MAGI3: variants seen among roughly 807,000 people sequenced by gnomAD.
The protein encoded by MAGI3 is membrane associated guanylate kinase, WW and PDZ domain containing 3, also known as membrane-associated guanylate kinase, WW and PDZ domain-containing protein 3.
MAGI3 carries 43 observed loss-of-function variants against 121.8 expected under a neutral mutation model. The observed-to-expected ratio is 0.35, with a 90% confidence interval of 0.28 to 0.46. The LOEUF is 0.46. Among genes scored for constraint, MAGI3 ranks in the 20% least tolerant of loss-of-function variants. MAGI3 has a pLI of 1.00. For missense variants in MAGI3, 1,547 were observed against 1,797.3 expected (o/e 0.86, Z 2.52); for synonymous variants, 553 against 639.3 (o/e 0.86, Z 2.04).
At chr1:113,652,671 G>GA (rs896361772) in intron 14 of MAGI3, among the ~76,000 whole-genome samples, 45 of 150,938 alleles carry the variant, frequency 3.0e-4, no homozygotes, top group African/African-American at 1.0e-3. Context: ...AAAAAAAAAA[G>GA]AAAAAAACAT....
Position 113,391,387 on chromosome 1 carries a change from G to T in MAGI3, c.316+38G>T. 6.4e-7 allele frequency: 1 copy of T among 1,558,788 alleles called. No homozygotes were observed. The highest frequency in any genetic ancestry group is 8.7e-7 in the Non-Finnish European group (1 of 1,152,326). On this transcript the variant is annotated intron_variant, in intron 1 of 20. Coordinates refer to ENST00000307546, the MANE Select transcript of MAGI3 (RefSeq NM_001142782.2). The surrounding 1 kb of genome is among the most constrained non-coding windows in gnomAD (Gnocchi z 4.4). ...TGCGTATCTGTCTCGGGGTGTTGGG[G>T]AGAGGGGCTTCAGGGTGGGCGTCCT...
chr1:113,560,752 A>G (rs991036938), intron 2 of MAGI3, among the ~76,000 whole-genome samples: 3 of 152,196 alleles, frequency 2.0e-5, no homozygotes, highest in Admixed American at 2.0e-4. Context: ...GAAGAAGACA[A>G]GAAATAACCA....
At position 113,622,801 on chromosome 1, in the gene MAGI3, C is replaced by T. The variant is rs761341165; in HGVS notation, c.1172-5C>T. The T allele has an allele frequency of 1.0e-5, 16 of 1,561,360 alleles. No homozygotes were observed. Among genetic ancestry groups the T allele is most frequent in the African/African-American group, 1.4e-5 (1 of 71,194 alleles). ...TTCTCAAACCCACTTCTCATTTTGG[C>T]ACAGATATGGAAAAATCACACTTCA... On this transcript the variant is annotated splice_polypyrimidine_tract_variant and splice_region_variant and intron_variant, in intron 8 of 20. Coordinates refer to ENST00000307546, the MANE Select transcript of MAGI3 (RefSeq NM_001142782.2).
chr1:113,464,125 C>T (rs1305200193), intron 1 of MAGI3, among the ~76,000 whole-genome samples: 1 of 151,928 alleles, frequency 6.6e-6, no homozygotes, highest in Non-Finnish European at 1.5e-5. Flanking sequence ...ATATTTGTAC[C>T]TATTAATCAA....
intron 1 of MAGI3, among the ~76,000 whole-genome samples, chr1:113,421,806 A>G (rs144473119): frequency 2.6e-5 from 4 of 151,902 alleles, no homozygotes; most frequent in African/African-American, 9.7e-5. Context: ...TTTGAGGTGT[A>G]TTTCTGGACT....
chr1:113,628,271 G>T (rs894572731), intron 9 of MAGI3, among the ~76,000 whole-genome samples: 2 of 152,064 alleles, frequency 1.3e-5, no homozygotes, highest in African/African-American at 4.8e-5. Flanking sequence ...AACACTGATT[G>T]TATAAACAAA....
At chr1:113,596,403 G>A (rs1649013445) in intron 6 of MAGI3, among the ~76,000 whole-genome samples, 2 of 152,130 alleles carry the variant, frequency 1.3e-5, no homozygotes, top group Non-Finnish European at 2.9e-5. Flanking sequence ...AGAAAATATA[G>A]GAGAGTGTCT....
chr1:113,551,814 G>A (rs986438904), intron 2 of MAGI3, among the ~76,000 whole-genome samples: 6 of 151,656 alleles, frequency 4.0e-5, no homozygotes, highest in Non-Finnish European at 1.5e-5. Flanking sequence ...TCTCTTTTTA[G>A]GAAGGTTTGT....
chr1:113,549,740 A>G (rs1010825111), intron 2 of MAGI3, 109 bp downstream of exon 2: 2 of 569,640 alleles, frequency 3.5e-6, no homozygotes, highest in East Asian at 6.1e-5. Context: ...GTGAAGACTA[A>G]GTTGGGAACA....
intron 20 of MAGI3, chr1:113,682,207 T>C: frequency 6.2e-7 from 1 of 1,607,406 alleles, no homozygotes; most frequent in South Asian, 1.1e-5. Flanking sequence ...CTCTTCCCTC[T>C]TCAGGTTTGG....
chr1:113,559,972 C>T (rs572395639), intron 2 of MAGI3, among the ~76,000 whole-genome samples: 11 of 152,170 alleles, frequency 7.2e-5, no homozygotes, highest in South Asian at 4.1e-4. Flanking sequence ...ATCATTGAGA[C>T]GGAAAATTAA....
intron 1 of MAGI3, among the ~76,000 whole-genome samples, chr1:113,464,109 A>G (rs1027723414): frequency 2.0e-5 from 3 of 152,048 alleles, no homozygotes; most frequent in Non-Finnish European, 2.9e-5. Context: ...TCTTCTATCA[A>G]ACCATATATT....
intron 2 of MAGI3, among the ~76,000 whole-genome samples, chr1:113,566,937 C>T (rs1660454520): frequency 6.7e-6 from 1 of 148,518 alleles, no homozygotes; most frequent in Admixed American, 6.7e-5. Context: ...ATAATAAAGA[C>T]TAGAGCAGAG....
At chr1:113,578,355 A>G (rs1011958821) in intron 2 of MAGI3, among the ~76,000 whole-genome samples, 7 of 152,156 alleles carry the variant, frequency 4.6e-5, no homozygotes, top group Middle Eastern at 3.2e-3. Context: ...GAATATCGTC[A>G]TCATATTTTT....
chr1:113,621,143 A>G (rs967444076), intron 8 of MAGI3, among the ~76,000 whole-genome samples: 2 of 152,220 alleles, frequency 1.3e-5, no homozygotes, highest in African/African-American at 4.8e-5. Flanking sequence ...AAAATTTTAA[A>G]GGAGCAAGAA....
At chr1:113,632,366 A>T (rs1192368065) in intron 9 of MAGI3, among the ~76,000 whole-genome samples, 3 of 152,190 alleles carry the variant, frequency 2.0e-5, no homozygotes, top group Non-Finnish European at 4.4e-5. Context: ...TGCTTATCTA[A>T]TTTGCATGGC....
intron 11 of MAGI3, among the ~76,000 whole-genome samples, chr1:113,644,787 G>A (rs949626244): frequency 3.3e-5 from 5 of 152,166 alleles, no homozygotes; most frequent in African/African-American, 1.2e-4. Flanking sequence ...GTGCACATTT[G>A]TAGCTATTTA....
intron 1 of MAGI3, among the ~76,000 whole-genome samples, chr1:113,433,251 C>G (rs1402584269): frequency 6.6e-6 from 1 of 152,126 alleles, no homozygotes; most frequent in African/African-American, 2.4e-5. Context: ...ATTCTACCTT[C>G]AGGTACTACT....
intron 9 of MAGI3, among the ~76,000 whole-genome samples, chr1:113,638,452 A>G (rs1426592879): frequency 1.3e-5 from 2 of 152,258 alleles, no homozygotes; most frequent in African/African-American, 2.4e-5. Flanking sequence ...TCTAACAGAC[A>G]GGACCCTCAG....
Sources: gnomAD v4.1 joint callset for allele counts (sites outside exome capture counted in the v4.1 genomes callset) on GRCh38, gnomAD v4.1.1 for gene constraint, Gnocchi (gnomAD v3.1) non-coding constraint, MANE v1.5 for transcripts, NCBI Gene and HGNC (gene_info 2026-07-23, HGNC 2026-07-21) for gene names.